ZNF511: variants seen among roughly 807,000 people sequenced by gnomAD.
The protein encoded by ZNF511 is zinc finger protein 511.
In ZNF511, 26 loss-of-function variants were observed where a neutral mutation model predicts 24.8. That is an observed-to-expected ratio of 1.05 (90% CI 0.77 to 1.46). The LOEUF (loss-of-function observed/expected upper bound fraction) is 1.46, where lower values mean the gene tolerates loss of function less well. Ranked by LOEUF, ZNF511 falls within the 40% of genes most tolerant of loss-of-function variation. The pLI is 0.00. For missense variants in ZNF511, 358 were observed against 345.0 expected (o/e 1.04, Z -0.30); for synonymous variants, 144 against 139.6 (o/e 1.03, Z -0.22).
intron 5 of ZNF511, 44 bp from the exon 6 acceptor site, chr10:133,312,744 G>C: frequency 6.2e-7 from 1 of 1,613,862 alleles, no homozygotes; most frequent in Non-Finnish European, 8.5e-7. Context: ...CTGGGTTGTT[G>C]GTTGGCAAAT....
chr10:133,311,921 G>T, intron 5 of ZNF511, 80 bp downstream of exon 5: 1 of 1,613,140 alleles, frequency 6.2e-7, no homozygotes, highest in Non-Finnish European at 8.5e-7. Flanking sequence ...CTGGGCCGCA[G>T]CTCTTCTCAT....
At chr10:133,309,645 TA>T in intron 2 of ZNF511, 130 bp from the exon 3 acceptor site, 1 of 1,295,668 alleles carries the variant, frequency 7.7e-7, no homozygotes, top group Non-Finnish European at 1.1e-6. Flanking sequence ...ACTTAATTCA[TA>T]AAAAGAGGGT....
At position 133,309,930 on chromosome 10, in the gene ZNF511, G is replaced by T; in HGVS notation, c.382G>T (p.Glu128Ter). The T allele has an allele frequency of 6.2e-7, 1 of 1,613,552 alleles. No homozygotes were observed. The highest frequency in any genetic ancestry group is 8.5e-7 in the Non-Finnish European group (1 of 1,180,022). Residue 128 changes from glutamate to a stop codon, truncating the protein, a stop_gained, in exon 3 of 6, where the codon GAG (glutamate) becomes TAG (stop). Coordinates refer to ENST00000361518, the MANE Select transcript of ZNF511 (RefSeq NM_145806.4). LOFTEE classifies it high-confidence loss of function. ...SGHLLDAHILEWHDSLFQILS... is the reference protein window; with the variant it reads ...SGHLLDAHIL ...ACACCTGCTGGACGCCCACATCCTG[G>T]AGTGGCACGATTCGCTCTTCCAGAT...
rs533232030 is a variant in ZNF511 at position 133,309,916 on chromosome 10, A to C, written c.368A>C (p.Asp123Ala). ...KRAFPSGHLLDAHILEWHDSL... is the reference protein window; with the variant it reads ...KRAFPSGHLLAAHILEWHDSL... ...GCCTTCCCTTCCGGACACCTGCTGGACGCCCACATCCTGGAGTGGCACGAT... is the reference window on the plus strand; with the variant it reads ...GCCTTCCCTTCCGGACACCTGCTGGCCGCCCACATCCTGGAGTGGCACGAT... The change falls in exon 3 of 6, where the codon GAC becomes GCC. Residue 123 changes from aspartate (D) to alanine (A), a missense_variant. By Grantham distance (126) the Asp-to-Ala change is moderately radical. Transcript: ENST00000361518. The C allele has an allele frequency of 6.2e-7, 1 of 1,613,582 alleles. No individual in the cohort carries two copies. The highest frequency in any genetic ancestry group is 2.2e-5 in the East Asian group (1 of 44,878).
rs112678564 is a variant in ZNF511 at position 133,313,116 on chromosome 10, C to T, written c.*250C>T. The T allele has an allele frequency of 2.1e-5, 17 of 817,098 alleles. 1 individual carries two copies. The African/African-American group carries it at 2.3e-4, about 11-fold the overall frequency. 50.6% of individuals were successfully genotyped at this position (817,098 alleles called of 1,614,324 possible). ...GCCTGTCTCCTCCTGCAGGGCCCAC[C>T]CTAAGAATGTATTTTTAAACACATG... On this transcript the variant is annotated 3_prime_UTR_variant, in exon 6 of 6. Transcript: ENST00000361518.
intron 4 of ZNF511, chr10:133,310,592 T>C (rs1847968952): frequency 1.2e-5 from 5 of 404,270 alleles, no homozygotes; most frequent in Non-Finnish European, 1.8e-5. Flanking sequence ...GGGCCATGCC[T>C]GTACCTCCTG....
At chr10:133,309,643 C>G in intron 2 of ZNF511, 133 bp from the exon 3 acceptor site, 1 of 1,287,974 alleles carries the variant, frequency 7.8e-7, no homozygotes, top group East Asian at 2.4e-5. Context: ...AAACTTAATT[C>G]ATAAAAAGAG....
rs1235070709 is a variant in ZNF511, at chr10:133,313,083, T to G, written c.*217T>G. ...CCTGGACACACTATTGGGAAGGAGA[T>G]GTGGACGGCCTGTCTCCTCCTGCAG... On this transcript the variant is annotated 3_prime_UTR_variant, in exon 6 of 6. Transcript: ENST00000361518. The G allele has an allele frequency of 3.1e-6, 4 of 1,286,046 alleles. No homozygotes were observed. Among genetic ancestry groups the G allele is most frequent in the African/African-American group, 1.5e-5 (1 of 66,470 alleles). 79.7% of individuals were successfully genotyped at this position (1,286,046 alleles called of 1,614,324 possible).
chr10:133,312,043 T>G, intron 5 of ZNF511: 1 of 1,501,872 alleles, frequency 6.7e-7, no homozygotes. Context: ...ACTCTGTTTT[T>G]GAGCCATTGA....
intron 2 of ZNF511, 45 bp downstream of exon 2, chr10:133,309,508 C>T (rs771167323): frequency 8.2e-6 from 13 of 1,579,802 alleles, no homozygotes; most frequent in Non-Finnish European, 1.1e-5. Context: ...CCTGCGCCGC[C>T]TCCCTGACCG....
intron 5 of ZNF511, 187 bp downstream of exon 5, chr10:133,312,028 C>A: frequency 6.5e-7 from 1 of 1,538,534 alleles, no homozygotes. Flanking sequence ...TAGTTTCTCT[C>A]GCATACTCTG....
Position 133,310,371 on chromosome 10 carries a change from G to A in ZNF511, c.554+83G>A. 3.2e-6 allele frequency: 5 copies of A among 1,557,472 alleles called. No individual in the cohort carries two copies. In the South Asian group the frequency reaches 5.8e-5, roughly 18 times the overall value. The stretch of plus-strand genomic sequence containing the variant: ...ACTAGCCGGAATGCATAGACGGTCA[G>A]ACTTATTAAGCACTTGTGTGTCACC... On this transcript the variant is annotated intron_variant, in intron 4 of 5. Coordinates refer to ENST00000361518, the MANE Select transcript of ZNF511 (RefSeq NM_145806.4).
intron 5 of ZNF511, chr10:133,312,579 G>C: frequency 6.2e-6 from 9 of 1,451,640 alleles, no homozygotes; most frequent in Non-Finnish European, 8.1e-6. Context: ...CTTCCCAGCG[G>C]GTGTGCGTTG....
chr10:133,309,390 G>T lies in ZNF511; in HGVS notation c.154G>T (p.Asp52Tyr). 2 of 1,611,336 alleles carry T rather than the reference G, an allele frequency of 1.2e-6. No individual in the cohort carries two copies. The highest frequency in any genetic ancestry group is 1.1e-5 in the South Asian group (1 of 90,862). The change falls in exon 2 of 6, where the codon GAT (aspartate) becomes TAT (tyrosine). Residue 52 changes from aspartate to tyrosine, a missense_variant and splice_region_variant. Physicochemically the swap from Asp to Tyr is radical, Grantham distance 160 (BLOSUM62 -3). Coordinates refer to ENST00000361518, the MANE Select transcript of ZNF511 (RefSeq NM_145806.4). ...RFPREHQFFE[D>Y]GDVQRHLYLQ... Reference sequence around the variant, plus strand: ...CGCCCACGGCGCACTTTTCCTGCAGGATGGGGACGTGCAGCGCCACCTCTA... The same window carrying T: ...CGCCCACGGCGCACTTTTCCTGCAGTATGGGGACGTGCAGCGCCACCTCTA...
At position 133,310,199 on chromosome 10, in the gene ZNF511, C is replaced by T. The variant is rs543967505; in HGVS notation, c.465C>T (p.Phe155=). 3 of 1,614,006 alleles carry T rather than the reference C, an allele frequency of 1.9e-6. No homozygotes were observed. Among genetic ancestry groups the T allele is most frequent in the Non-Finnish European group, 2.5e-6 (3 of 1,180,040 alleles). The part of the protein sequence containing the change: ...QCLVEGCTEK[F]KTSRDRKDHM... ...TGGTAGAAGGCTGCACAGAGAAGTT[C>T]AAGACCAGCAGAGACCGGAAGGATC... The change falls in exon 4 of 6, where the codon TTC becomes TTT. Residue 155 remains phenylalanine (F), a synonymous_variant. Coordinates refer to ENST00000361518, the MANE Select transcript of ZNF511 (RefSeq NM_145806.4).
chr10:133,312,662 G>T, intron 5 of ZNF511, 126 bp from the exon 6 acceptor site: 2 of 1,556,042 alleles, frequency 1.3e-6, no homozygotes, highest in South Asian at 1.2e-5. Context: ...GGCCCAGGAG[G>T]GCCGGCTCTG....
intron 5 of ZNF511, 84 bp from the exon 6 acceptor site, chr10:133,312,704 G>A: frequency 4.4e-6 from 7 of 1,603,662 alleles, no homozygotes; most frequent in South Asian, 1.1e-5. Context: ...GAAAGAGAAT[G>A]AGAAGGAGAC....
rs974105802 is a variant in ZNF511 at position 133,309,533 on chromosome 10, G to A, written c.227+70G>A. On this transcript the variant is annotated intron_variant, in intron 2 of 5. Transcript: ENST00000361518. ...CTCCCTGACCGGTGCCTGGTCCCTG[G>A]GGCTGTGCTGCCGCTCTTCCATGTG... 6 of 1,525,118 alleles carry A rather than the reference G, an allele frequency of 3.9e-6. No individual in the cohort carries two copies. The East Asian group carries it at 1.2e-4, about 30-fold the overall frequency. The allele number at this position is 1,525,118 out of a possible 1,614,324, so 94.5% of individuals were successfully genotyped here.
intron 2 of ZNF511, 76 bp from the exon 3 acceptor site, chr10:133,309,700 A>C: frequency 6.4e-7 from 1 of 1,555,112 alleles, no homozygotes; most frequent in African/African-American, 1.4e-5. Context: ...GGACGTCTCA[A>C]AGGGAAACTG....
Sources: gnomAD v4.1 joint callset for allele counts on GRCh38, gnomAD v4.1.1 for gene constraint, MANE v1.5 for transcripts, NCBI Gene and HGNC (gene_info 2026-07-23, HGNC 2026-07-21) for gene names.